Variants in TEN1 observed in about 807,000 individuals in gnomAD.
The protein encoded by TEN1 is CST complex subunit TEN1.
TEN1 carries 6 observed loss-of-function variants against 9.3 expected under a neutral mutation model. The observed-to-expected ratio is 0.65, with a 90% CI of 0.35 to 1.27. The LOEUF (loss-of-function observed/expected upper bound fraction) is 1.27, where lower values mean the gene tolerates loss of function less well. TEN1 is among the 50% of genes most tolerant of loss of function. TEN1 has a pLI of 0.03. For synonymous variants in TEN1, 65 were observed against 65.6 expected, an observed-to-expected ratio of 0.99 and a Z score of 0.04; for missense variants, 149 against 158.2, an observed-to-expected ratio of 0.94 and a Z score of 0.31.
At chr17:75,994,425 A>C (rs1192444384) in intron 3 of TEN1, among the ~76,000 whole-genome samples, 4 of 133,302 alleles carry the variant, frequency 3.0e-5, no homozygotes, top group African/African-American at 1.1e-4. Context: ...CAAGAGCAAA[A>C]CTCCGTCTCA....
Position 76,000,371 on chromosome 17 carries a change from C to G in TEN1, c.*109C>G. 1 of 1,414,536 alleles carries G rather than the reference C, an allele frequency of 7.1e-7. No individual in the cohort carries two copies. Among genetic ancestry groups the G allele is most frequent in the Middle Eastern group, 2.1e-4 (1 of 4,724 alleles). The allele number at this position is 1,414,536 out of a possible 1,614,324, so 87.6% of individuals were successfully genotyped here. A position where few individuals can be genotyped will look rare whatever the true frequency, so the allele number is the denominator to read the frequency against. ...TCCCCAGCGACGGCCTTGTCTGGAGCTCGAAAGCCGAGGGGCGGGTGATGA... is the reference window on the plus strand; with the variant it reads ...TCCCCAGCGACGGCCTTGTCTGGAGGTCGAAAGCCGAGGGGCGGGTGATGA... On this transcript the variant is annotated 3_prime_UTR_variant, in exon 4 of 4. Transcript: ENST00000397640. This position sits in a 1 kb window ranked among gnomAD's most constrained non-coding sequence, Gnocchi z 5.9.
chr17:75,992,770 C>T (rs1221245112), intron 3 of TEN1, among the ~76,000 whole-genome samples: 4 of 150,888 alleles, frequency 2.7e-5, no homozygotes, highest in Middle Eastern at 3.2e-3. Flanking sequence ...CCTCGGCCTC[C>T]CAAAGTGCTG....
chr17:75,995,621 C>A (rs1372511966), intron 3 of TEN1, among the ~76,000 whole-genome samples: 4 of 152,226 alleles, frequency 2.6e-5, no homozygotes, highest in Non-Finnish European at 5.9e-5. Context: ...CGAGGGCCCC[C>A]TGTTCTGGAA....
At chr17:75,986,164 C>T (rs2066150918) in intron 1 of TEN1, 23 bp from the exon 2 acceptor site, 2 of 1,513,056 alleles carry the variant, frequency 1.3e-6, no homozygotes, top group Admixed American at 2.1e-5. Flanking sequence ...TCTTCAAAAT[C>T]CCTCTCAACT....
At chr17:75,986,992 A>G (rs1262337840) in intron 2 of TEN1, among the ~76,000 whole-genome samples, 1 of 152,110 alleles carries the variant, frequency 6.6e-6, no homozygotes, top group Non-Finnish European at 1.5e-5. Flanking sequence ...CATACACACA[A>G]TTTTAGTTTT....
At chr17:75,999,678 G>A (rs2066241303) in intron 3 of TEN1, among the ~76,000 whole-genome samples, 2 of 152,080 alleles carry the variant, frequency 1.3e-5, no homozygotes, top group South Asian at 2.1e-4. Context: ...TCTCGGAGAT[G>A]TCTTTCCTGT....
At chr17:75,999,082 A>C (rs968768376) in intron 3 of TEN1, among the ~76,000 whole-genome samples, 5 of 152,088 alleles carry the variant, frequency 3.3e-5, no homozygotes, top group African/African-American at 1.2e-4. Context: ...ACAGTGGCTC[A>C]CGCCTATAAT....
chr17:75,990,549 G>A, intron 2 of TEN1, among the ~76,000 whole-genome samples: 1 of 147,108 alleles, frequency 6.8e-6, no homozygotes. Flanking sequence ...AAAAAAAAAA[G>A]ATGGCCAGGC....
chr17:75,990,539 A>G (rs1338128765), intron 2 of TEN1, among the ~76,000 whole-genome samples: 1 of 148,086 alleles, frequency 6.8e-6, no homozygotes, highest in Non-Finnish European at 1.5e-5. Context: ...GCCCATATTG[A>G]AAAAAAAAAG....
intron 1 of TEN1, 154 bp from the exon 2 acceptor site, chr17:75,986,033 T>TC (rs1567895948): frequency 5.6e-6 from 3 of 535,566 alleles, no homozygotes; most frequent in Admixed American, 7.2e-5. Context: ...ATGCTATCCC[T>TC]CCCCCCAAAA....
intron 1 of TEN1, among the ~76,000 whole-genome samples, chr17:75,983,084 C>G (rs967426692): frequency 6.6e-6 from 1 of 151,554 alleles, no homozygotes; most frequent in African/African-American, 2.4e-5. Flanking sequence ...AGTTCATGAC[C>G]AGCCTGGCCA....
chr17:75,994,026 A>C (rs2066203550), intron 3 of TEN1, among the ~76,000 whole-genome samples: 1 of 151,954 alleles, frequency 6.6e-6, no homozygotes, highest in African/African-American at 2.4e-5. Context: ...AAAACAAAAA[A>C]AATTGAACCT....
chr17:75,991,439 A>G (rs2144355317), intron 2 of TEN1, 27 bp from the exon 3 acceptor site: 1 of 1,550,900 alleles, frequency 6.4e-7, no homozygotes, highest in Non-Finnish European at 8.7e-7. Flanking sequence ...TATGGATGGA[A>G]ATTATTGCAT....
At chr17:75,987,641 G>A (rs1335359116) in intron 2 of TEN1, among the ~76,000 whole-genome samples, 1 of 152,196 alleles carries the variant, frequency 6.6e-6, no homozygotes, top group African/African-American at 2.4e-5. Context: ...CCTAGGCCAG[G>A]TGCGGTGGCT....
At chr17:75,996,290 G>A (rs1027178061) in intron 3 of TEN1, among the ~76,000 whole-genome samples, 3 of 151,928 alleles carry the variant, frequency 2.0e-5, no homozygotes, top group Admixed American at 6.6e-5. Flanking sequence ...GTTCGAGACC[G>A]GCCTGACCAA....
At chr17:75,998,449 C>T (rs889375808) in intron 3 of TEN1, among the ~76,000 whole-genome samples, 11 of 152,094 alleles carry the variant, frequency 7.2e-5, no homozygotes, top group African/African-American at 1.2e-4. Flanking sequence ...CGCCACGCCC[C>T]GATTCCTCTC....
At chr17:75,979,602 C>T in intron 1 of TEN1, 91 bp downstream of exon 1, 1 of 228,640 alleles carries the variant, frequency 4.4e-6, no homozygotes, top group South Asian at 4.9e-5. Context: ...CGGCCTCTGT[C>T]ACGCTTCCGG....
intron 3 of TEN1, among the ~76,000 whole-genome samples, chr17:75,992,077 C>T (rs1189156049): frequency 6.8e-6 from 1 of 146,992 alleles, no homozygotes; most frequent in African/African-American, 2.6e-5. Flanking sequence ...AAGACAGGTA[C>T]AGTGAAGAGA....
At chr17:75,981,596 G>GTTT (rs34873669) in intron 1 of TEN1, among the ~76,000 whole-genome samples, 15 of 132,360 alleles carry the variant, frequency 1.1e-4, no homozygotes, top group African/African-American at 3.1e-4. Flanking sequence ...AAAGCAAGTT[G>GTTT]TTTTTTTTTT....
Sources: gnomAD v4.1 joint callset for allele counts (sites outside exome capture counted in the v4.1 genomes callset) on GRCh38, gnomAD v4.1.1 for gene constraint, Gnocchi (gnomAD v3.1) non-coding constraint, MANE v1.5 for transcripts, NCBI Gene and HGNC (gene_info 2026-07-23, HGNC 2026-07-21) for gene names.